NOTCH3: variants seen among roughly 807,000 people sequenced by gnomAD.
The protein encoded by NOTCH3 is neurogenic locus notch homolog protein 3.
A neutral mutation model predicts 213.3 loss-of-function variants in NOTCH3; 86 were observed. That is an observed-to-expected ratio of 0.40 (90% CI 0.34 to 0.48). NOTCH3 has a LOEUF of 0.48. Among genes scored for constraint, NOTCH3 ranks in the 20% least tolerant of loss-of-function variants. The pLI, the probability that NOTCH3 is intolerant of heterozygous loss-of-function variation, is 0.57. For missense variants in NOTCH3, 2,783 were observed against 3,272.6 expected (o/e 0.85, Z 3.65); for synonymous variants, 1,354 against 1,355.9 (o/e 1.00, Z 0.03).
At chr19:15,192,630 A>C in intron 2 of NOTCH3, 111 bp from the exon 3 acceptor site, 2 of 1,410,910 alleles carry the variant, frequency 1.4e-6, no homozygotes, top group Non-Finnish European at 1.9e-6. Context: ...GCAAACACAC[A>C]TTTGCTGGGA....
rs751284168 is a variant in NOTCH3, at chr19:15,187,314, C to T, written c.1631G>A (p.Arg544His). The change falls in exon 11 of 33, where the codon CGC becomes CAC. Residue 544 changes from arginine (R) to histidine (H), a missense_variant. By Grantham distance (29) the Arg-to-His change is conservative. Around this residue, in one of 6 missense-constraint regions of NOTCH3, gnomAD observed 708 missense variants for 906.6 expected, o/e 0.78. Transcript: ENST00000263388. Reference protein sequence around the residue: ...AEGFEGTLCDRNVDDCSPDPC... With the variant: ...AEGFEGTLCDHNVDDCSPDPC... ...GTCAGGGGAGCAGTCGTCCACGTTG[C>T]GATCACACAGCGTGCCCTCAAAGCC... 4.0e-5 allele frequency: 65 copies of T among 1,613,594 alleles called. No homozygotes were observed. Among genetic ancestry groups the T allele is most frequent in the Non-Finnish European group, 4.9e-5 (58 of 1,179,922 alleles).
In NOTCH3 at chr19:15,186,898, A is replaced by T. The variant is rs148046938; in HGVS notation, c.1931T>A (p.Val644Asp). ...CCCACCTGTGAAGCCAGGTTGGCAG[A>T]CACAGTCGTAGCGGTTGATGCCATC... ...CRDGINRYDC[V>D]CQPGFTGPLC... is the part of the protein sequence containing the mutation. Residue 644 changes from valine to aspartate, a missense_variant, in exon 12 of 33, where the codon GTC becomes GAC. Val to Asp is a radical substitution (Grantham distance 152). This residue lies in a region of NOTCH3 where 708 missense variants were observed against 906.6 expected (regional missense o/e 0.78). Transcript: ENST00000263388. 8.8e-4 allele frequency: 1,418 copies of T among 1,614,162 alleles called. 1 individual carries two copies. Among genetic ancestry groups the T allele is most frequent in the Non-Finnish European group, 1.1e-3 (1,259 of 1,180,006 alleles).
At chr19:15,179,998 A>T in intron 20 of NOTCH3, 74 bp downstream of exon 20, 1 of 1,045,416 alleles carries the variant, frequency 9.6e-7, no homozygotes, top group Non-Finnish European at 1.5e-6. Context: ...ATACCAAGCC[A>T]CACAGAAATG....
In NOTCH3 at chr19:15,181,675, G is replaced by A. The variant is rs1183144753; in HGVS notation, c.2693C>T (p.Pro898Leu). 4 of 1,555,536 alleles carry A rather than the reference G, an allele frequency of 2.6e-6. No homozygotes were observed. Among genetic ancestry groups the A allele is most frequent in the African/African-American group, 2.7e-5 (2 of 73,362 alleles). ...GGCCACGTGGTCGGTACAGGTGCCC[G>A]GGCCGCAGGGGTTGCTCAGGCACTC... Reference protein sequence around the residue: ...VDECLSNPCGPGTCTDHVASF... With the variant: ...VDECLSNPCGLGTCTDHVASF... The change falls in exon 17 of 33, where the codon CCG (proline) becomes CTG (leucine). Residue 898 changes from proline (P) to leucine (L), a missense_variant. Pro to Leu is a moderately conservative substitution (Grantham distance 98). Coordinates refer to ENST00000263388, the MANE Select transcript of NOTCH3 (RefSeq NM_000435.3).
intron 6 of NOTCH3, among the ~76,000 whole-genome samples, chr19:15,189,940 T>A (rs1202892607): frequency 6.6e-6 from 1 of 152,230 alleles, no homozygotes; most frequent in Non-Finnish European, 1.5e-5. Context: ...ATTCAACTAT[T>A]GTTAGCTTAA....
In NOTCH3 at chr19:15,160,557, AG is replaced by A. The variant is rs2046631161; in HGVS notation, c.*104del. On this transcript the variant is annotated 3_prime_UTR_variant, in exon 33 of 33. Coordinates refer to ENST00000263388, the MANE Select transcript of NOTCH3 (RefSeq NM_000435.3). ...CAAGGATGCAGGAGGGTTGGTGGAA[AG>A]AGAAGAGGATGAAAAAGACTAAAAG... The A allele has an allele frequency of 4.2e-6, 4 of 963,116 alleles. No individual in the cohort carries two copies. The East Asian group carries it at 9.5e-5, about 23-fold the overall frequency. The allele number at this position is 963,116 out of a possible 1,614,324, so 59.7% of individuals were successfully genotyped here.
At position 15,170,530 on chromosome 19, in the gene NOTCH3, G is replaced by T; in HGVS notation, c.4915C>A (p.Pro1639Thr). ...AGCAGTGGCAGCAGCGGGACGCTGGGTTCTGGAGGCTCCAGCGGCTCCCCT... is the reference window on the plus strand; with the variant it reads ...AGCAGTGGCAGCAGCGGGACGCTGGTTTCTGGAGGCTCCAGCGGCTCCCCT... ...VRGEPLEPPEPSVPLLPLLVA... is the reference protein window; with the variant it reads ...VRGEPLEPPETSVPLLPLLVA... Residue 1639 changes from proline to threonine, a missense_variant, in exon 27 of 33, where the codon CCC (proline) becomes ACC (threonine). Pro to Thr is a conservative substitution (Grantham distance 38). Around this residue, in one of 6 missense-constraint regions of NOTCH3, gnomAD observed 636 missense variants for 801.8 expected, o/e 0.79. Coordinates refer to ENST00000263388, the MANE Select transcript of NOTCH3 (RefSeq NM_000435.3). 6.2e-7 allele frequency: 1 copy of T among 1,610,006 alleles called. No individual in the cohort carries two copies. The highest frequency in any genetic ancestry group is 1.3e-5 in the African/African-American group (1 of 75,056).
Position 15,185,028 on chromosome 19 carries a change from G to T in NOTCH3, c.2297-9C>A. The stretch of plus-strand genomic sequence containing the variant: ...GAGTTCACACTGACGTCCTGTTGGG[G>T]GTGGAAGAGAGGGAAGCAGAGATAG... On this transcript the variant is annotated splice_polypyrimidine_tract_variant and intron_variant, in intron 14 of 32. Coordinates refer to ENST00000263388, the MANE Select transcript of NOTCH3 (RefSeq NM_000435.3). The surrounding 1 kb of genome is among the most constrained non-coding windows in gnomAD (Gnocchi z 4.2). 2 of 1,438,266 alleles carry T rather than the reference G, an allele frequency of 1.4e-6. No homozygotes were observed. The highest frequency in any genetic ancestry group is 1.9e-6 in the Non-Finnish European group (2 of 1,056,912). The allele number at this position is 1,438,266 out of a possible 1,614,324, so 89.1% of individuals were successfully genotyped here.
rs1362939833 is a variant in NOTCH3 at position 15,180,676 on chromosome 19, C to T, written c.3142+5G>A. The T allele has an allele frequency of 7.7e-6, 12 of 1,550,406 alleles. No homozygotes were observed. In the East Asian group the frequency reaches 2.9e-4, roughly 38 times the overall value. ...CCACACGCCCGCCCACATGCTCCCACTCACCGATCTGGGCTGCGGCCTCCC... is the reference window on the plus strand; with the variant it reads ...CCACACGCCCGCCCACATGCTCCCATTCACCGATCTGGGCTGCGGCCTCCC... On this transcript the variant is annotated splice_donor_5th_base_variant and intron_variant, in intron 19 of 32. Transcript: ENST00000263388.
At chr19:15,178,288 C>T (rs950169493) in intron 23 of NOTCH3, 198 bp from the exon 24 acceptor site, 15 of 538,238 alleles carry the variant, frequency 2.8e-5, no homozygotes, top group Non-Finnish European at 4.9e-5. Context: ...CACTGGAGAC[C>T]CCACCTGGCA....
chr19:15,200,678 C>G (rs1599403672), intron 1 of NOTCH3, 110 bp downstream of exon 1: 1 of 872,716 alleles, frequency 1.1e-6, no homozygotes, highest in Non-Finnish European at 1.5e-6. Flanking sequence ...TGCGCCCCTT[C>G]CCCGACCCTG....
intron 12 of NOTCH3, among the ~76,000 whole-genome samples, chr19:15,186,207 T>C (rs1337883318): frequency 6.6e-6 from 1 of 151,982 alleles, no homozygotes; most frequent in Admixed American, 6.6e-5. Context: ...CAAGTGATCC[T>C]CATGTCTCAG....
chr19:15,197,511 C>T lies in NOTCH3; in HGVS notation c.186G>A (p.Glu62=). ...AGCCAGGCACTCACAGGCAGGCAGC[C>T]TCCCGGGAGGGCAGCTGGGTGCAAC... The part of the protein sequence containing the change: ...GGRCTQLPSR[E]AACLCPPGWV... The change falls in exon 2 of 33, where the codon GAG becomes GAA. Residue 62 remains glutamate (E), a synonymous_variant. Coordinates refer to ENST00000263388, the MANE Select transcript of NOTCH3 (RefSeq NM_000435.3). The T allele has an allele frequency of 1.2e-6, 2 of 1,611,330 alleles. No homozygotes were observed. The highest frequency in any genetic ancestry group is 1.7e-6 in the Non-Finnish European group (2 of 1,179,650).
chr19:15,175,229 T>TC (rs951867334), intron 24 of NOTCH3, among the ~76,000 whole-genome samples: 2 of 151,816 alleles, frequency 1.3e-5, no homozygotes, highest in Non-Finnish European at 2.9e-5. Context: ...TCTCCATTAC[T>TC]CATCAATAAA....
intron 2 of NOTCH3, among the ~76,000 whole-genome samples, chr19:15,196,656 A>C (rs80267387): frequency 0.011 from 1,726 of 152,270 alleles, 26 homozygotes; most frequent in African/African-American, 0.038. Context: ...TTCTCCTTAG[A>C]GCACCTGTTT....
At chr19:15,162,773 T>TTGTGTGTGTG (rs770008525) in intron 31 of NOTCH3, among the ~76,000 whole-genome samples, 12 of 5,270 alleles carry the variant, frequency 2.3e-3, no homozygotes, top group African/African-American at 5.0e-3. Context: ...GTGTGTGTGT[T>TTGTGTGTGTG]TGTGTGTGTG....
chr19:15,180,922 G>T, intron 18 of NOTCH3, 39 bp downstream of exon 18: 1 of 1,583,774 alleles, frequency 6.3e-7, no homozygotes. Flanking sequence ...TAGGATCCCA[G>T]GCAGGCTCCT....
At position 15,159,286 on chromosome 19, in the gene NOTCH3, T is replaced by C. The variant is rs1200408843; in HGVS notation, c.*1376A>G. The C allele has an allele frequency of 6.5e-6, 1 of 154,194 alleles. No individual in the cohort carries two copies. Among genetic ancestry groups the C allele is most frequent in the Non-Finnish European group, 1.4e-5 (1 of 69,232 alleles). 9.6% of individuals were successfully genotyped at this position (154,194 alleles called of 1,614,324 possible). A position where few individuals can be genotyped will look rare whatever the true frequency, so the allele number is the denominator to read the frequency against. On this transcript the variant is annotated 3_prime_UTR_variant, in exon 33 of 33. Transcript: ENST00000263388. ...TCTCATTTCTGATTCTCCCTGAATA[T>C]TAGCTTCATTCTTCTGCCCTGTTTG...
Position 15,197,556 on chromosome 19 carries a change from G to A in NOTCH3, c.141C>T (p.Ser47=), listed in dbSNP as rs1555730199. The A allele has an allele frequency of 1.2e-6, 2 of 1,611,914 alleles. No individual in the cohort carries two copies. The highest frequency in any genetic ancestry group is 1.7e-6 in the Non-Finnish European group (2 of 1,179,836). Residue 47 remains serine, a synonymous_variant, in exon 2 of 33, where the codon AGC becomes AGT. Coordinates refer to ENST00000263388, the MANE Select transcript of NOTCH3 (RefSeq NM_000435.3). ...TGCAACGACCTCCATTTGCACACGG[G>A]CTTCCGTCCAGGCAAGGGGGGGCTG... The part of the protein sequence containing the change: ...GAAAPPCLDG[S]PCANGGRCTQ...
Sources: gnomAD v4.1 joint callset for allele counts (sites outside exome capture counted in the v4.1 genomes callset) on GRCh38, gnomAD v4.1.1 for gene constraint, gnomAD v4.1.1 regional missense constraint, Gnocchi (gnomAD v3.1) non-coding constraint, MANE v1.5 for transcripts, NCBI Gene and HGNC (gene_info 2026-07-23, HGNC 2026-07-21) for gene names.